TXNL4B: variants seen among roughly 807,000 people sequenced by gnomAD.
The protein encoded by TXNL4B is thioredoxin-like protein 4B.
Under a neutral mutation model 13.0 loss-of-function variants are expected in TXNL4B, and 12 were observed. The ratio of observed to expected loss-of-function variants is 0.92; its 90% CI spans 0.59 to 1.49. TXNL4B has a LOEUF of 1.49. Among genes scored for constraint, TXNL4B ranks in the 40% most tolerant of loss-of-function variants. The pLI, the probability that TXNL4B is intolerant of heterozygous loss-of-function variation, is 0.00. For synonymous variants in TXNL4B, 59 were observed against 58.9 expected, an observed-to-expected ratio of 1.00 and a Z score of -0.01; for missense variants, 214 against 173.6, an observed-to-expected ratio of 1.23 and a Z score of -1.31.
chr16:72,086,852 C>T, intron 3 of TXNL4B, 50 bp from the exon 4 acceptor site: 1 of 1,399,050 alleles, frequency 7.1e-7, no homozygotes, highest in Non-Finnish European at 9.7e-7. Context: ...TGAGTAATCA[C>T]TTGTTGAAGA....
Position 72,089,105 on chromosome 16 carries a change from C to A in TXNL4B, c.166G>T (p.Ala56Ser). ...SKTSSDLSKM[A>S]AIYLVDVDQT... ...TCCACATCTACCAGGTATATAGCAGCCATTTTACTTAAGTCAGAAGAGGTC... is the reference window on the plus strand; with the variant it reads ...TCCACATCTACCAGGTATATAGCAGACATTTTACTTAAGTCAGAAGAGGTC... The change falls in exon 3 of 4, where the codon GCT (alanine) becomes TCT (serine). Residue 56 changes from alanine to serine, a missense_variant. Ala to Ser is a moderately conservative substitution (Grantham distance 99). Coordinates refer to ENST00000268483, the MANE Select transcript of TXNL4B (RefSeq NM_017853.3). The A allele has an allele frequency of 3.1e-6, 5 of 1,612,478 alleles. No homozygotes were observed. Among genetic ancestry groups the A allele is most frequent in the Non-Finnish European group, 4.2e-6 (5 of 1,178,796 alleles).
In TXNL4B at chr16:72,085,141, G is replaced by GGATACAA. The variant is rs1180322740; in HGVS notation, c.*1489_*1495dup. 2 of 397,280 alleles carry GGATACAA rather than the reference G, an allele frequency of 5.0e-6. No individual in the cohort carries two copies. Among genetic ancestry groups the GGATACAA allele is most frequent in the Non-Finnish European group, 8.9e-6 (2 of 225,832 alleles). The allele number at this position is 397,280 out of a possible 1,614,324, so 24.6% of individuals were successfully genotyped here. A position where few individuals can be genotyped will look rare whatever the true frequency, so the allele number is the denominator to read the frequency against. ...AGTGACTCCCTCCTCTTATCAGCAG[G>GGATACAA]GATACAAGCAGTGCCTGGCAGCCTT... On this transcript the variant is annotated 3_prime_UTR_variant, in exon 4 of 4. Transcript: ENST00000268483.
Position 72,085,000 on chromosome 16 carries a change from G to A in TXNL4B, c.*1637C>T, listed in dbSNP as rs2041802570. On this transcript the variant is annotated 3_prime_UTR_variant, in exon 4 of 4. Coordinates refer to ENST00000268483, the MANE Select transcript of TXNL4B (RefSeq NM_017853.3). ...GTTTTACGTGATGCTGGGCACCTCG[G>A]GGACCTAAGATGGCTGTTGTAGCTC... The A allele has an allele frequency of 2.5e-6, 1 of 398,456 alleles. No individual in the cohort carries two copies. Among genetic ancestry groups the A allele is most frequent in the Non-Finnish European group, 4.4e-6 (1 of 226,086 alleles). The allele number at this position is 398,456 out of a possible 1,614,324, so 24.7% of individuals were successfully genotyped here.
intron 1 of TXNL4B, among the ~76,000 whole-genome samples, chr16:72,092,820 G>A (rs927422403): frequency 6.6e-6 from 1 of 152,172 alleles, no homozygotes; most frequent in Non-Finnish European, 1.5e-5. Context: ...AAAAAGTTAA[G>A]CTTTACCAGT....
chr16:72,086,763 G>C lies in TXNL4B; in HGVS notation c.324C>G (p.Thr108=). ...DHTKFVGSFK[T]KQDFIDLIEV... is the part of the protein sequence containing the mutation. ...CAATCAAATCTATGAAGTCTTGTTT[G>C]GTTTTGAAGCTTCCCACAAACTTAG... Residue 108 remains threonine (T), a synonymous_variant, in exon 4 of 4, where the codon ACC becomes ACG. Transcript: ENST00000268483. The C allele has an allele frequency of 1.2e-6, 2 of 1,612,940 alleles. No homozygotes were observed. The highest frequency in any genetic ancestry group is 4.5e-5 in the East Asian group (2 of 44,864).
Position 72,085,599 on chromosome 16 carries a change from C to T in TXNL4B, c.*1038G>A, listed in dbSNP as rs2041811060. 6.6e-6 allele frequency: 1 copy of T among 152,160 alleles called. No homozygotes were observed. The highest frequency in any genetic ancestry group is 2.4e-5 in the African/African-American group (1 of 41,436). 9.4% of individuals were successfully genotyped at this position (152,160 alleles called of 1,614,324 possible). A position where few individuals can be genotyped will look rare whatever the true frequency, so the allele number is the denominator to read the frequency against. Reference sequence around the variant, plus strand: ...CTGCCTCAGGAAGAGGCAGCAGCTTCTGGGAAAAATCTGCTCCTGCTAAGG... The same window carrying T: ...CTGCCTCAGGAAGAGGCAGCAGCTTTTGGGAAAAATCTGCTCCTGCTAAGG... On this transcript the variant is annotated 3_prime_UTR_variant, in exon 4 of 4. Transcript: ENST00000268483.
In TXNL4B at chr16:72,089,899, C is replaced by T. The variant is rs574348327; in HGVS notation, c.132+719G>A. Among the ~76,000 whole-genome samples the T allele has an allele frequency of 2.0e-5, 3 of 152,338 alleles. No individual in the cohort carries two copies. The East Asian group carries it at 5.8e-4, about 29-fold the overall frequency. ...GTAAAGTAATTTGCCCCAGGTCACACAGCTCCTGAGCAGTAGGGCTGGGGT... is the reference window on the plus strand; with the variant it reads ...GTAAAGTAATTTGCCCCAGGTCACATAGCTCCTGAGCAGTAGGGCTGGGGT... On this transcript the variant is annotated intron_variant, in intron 2 of 3. Transcript: ENST00000268483.
chr16:72,090,725 T>G lies in TXNL4B; in HGVS notation c.25A>C (p.Thr9Pro), dbSNP rs1382592537. 1.2e-6 allele frequency: 2 copies of G among 1,614,190 alleles called. No homozygotes were observed. Among genetic ancestry groups the G allele is most frequent in the Non-Finnish European group, 1.7e-6 (2 of 1,180,028 alleles). Residue 9 changes from threonine (T) to proline (P), a missense_variant, in exon 2 of 4, where the codon ACT becomes CCT. Thr to Pro is a conservative substitution (Grantham distance 38). Coordinates refer to ENST00000268483, the MANE Select transcript of TXNL4B (RefSeq NM_017853.3). ...GCCTGGTCTACTTCCTTTTTGCTAG[T>G]CAGCTTGGGCAGTAGGAAGCTCATC... MSFLLPKL[T>P]SKKEVDQAIK...
intron 2 of TXNL4B, 30 bp from the exon 3 acceptor site, chr16:72,089,168 A>G (rs1467708801): frequency 6.3e-7 from 1 of 1,579,000 alleles, no homozygotes; most frequent in Non-Finnish European, 8.7e-7. Context: ...CAAAGGTTAC[A>G]ATATGAGAGG....
intron 2 of TXNL4B, among the ~76,000 whole-genome samples, chr16:72,089,780 C>G (rs945975273): frequency 2.6e-5 from 4 of 152,220 alleles, no homozygotes; most frequent in African/African-American, 4.8e-5. Context: ...AAGTGCTTAA[C>G]ATTTGTTAAC....
At chr16:72,091,405 C>T (rs554288278) in intron 1 of TXNL4B, among the ~76,000 whole-genome samples, 74 of 152,308 alleles carry the variant, frequency 4.9e-4, no homozygotes, top group African/African-American at 1.8e-3. Context: ...CAACCACCGG[C>T]TGACTCCAAC....
At position 72,085,456 on chromosome 16, in the gene TXNL4B, C is replaced by A. The variant is rs74029826; in HGVS notation, c.*1181G>T. On this transcript the variant is annotated 3_prime_UTR_variant, in exon 4 of 4. Coordinates refer to ENST00000268483, the MANE Select transcript of TXNL4B (RefSeq NM_017853.3). Reference sequence around the variant, plus strand: ...CTTGCCCACGGTTGCGCCAGGCACCCCTAGAAGAGCAAGAATTCCTTACAA... The same window carrying A: ...CTTGCCCACGGTTGCGCCAGGCACCACTAGAAGAGCAAGAATTCCTTACAA... 4.4e-3 allele frequency: 697 copies of A among 158,458 alleles called. 4 individuals are homozygous for A. The highest frequency in any genetic ancestry group is 0.013 in the African/African-American group (524 of 41,816). The allele number at this position is 158,458 out of a possible 1,614,324, so 9.8% of individuals were successfully genotyped here. A position where few individuals can be genotyped will look rare whatever the true frequency, so the allele number is the denominator to read the frequency against.
chr16:72,086,517 G>T lies in TXNL4B; in HGVS notation c.*120C>A. ...CAGGGGCCGGGTTTTCTACACGCAA[G>T]TCAAACCTCTTCTCCTCTGGGACAC... On this transcript the variant is annotated 3_prime_UTR_variant, in exon 4 of 4. Coordinates refer to ENST00000268483, the MANE Select transcript of TXNL4B (RefSeq NM_017853.3). 1.0e-6 allele frequency: 1 copy of T among 963,340 alleles called. No individual in the cohort carries two copies. Among genetic ancestry groups the T allele is most frequent in the Non-Finnish European group, 1.5e-6 (1 of 664,476 alleles). 59.7% of individuals were successfully genotyped at this position (963,340 alleles called of 1,614,324 possible).
At chr16:72,092,419 C>CA (rs34306814) in intron 1 of TXNL4B, among the ~76,000 whole-genome samples, 59,524 of 135,092 alleles carry the variant, frequency 0.44, 12,694 homozygotes, top group African/African-American at 0.58. Flanking sequence ...GCTCCGTCTC[C>CA]AAAAAAAAAA....
intron 3 of TXNL4B, among the ~76,000 whole-genome samples, chr16:72,088,305 T>C (rs1262626920): frequency 1.3e-5 from 2 of 152,068 alleles, no homozygotes; most frequent in Non-Finnish European, 2.9e-5. Flanking sequence ...TACTTTCAAA[T>C]AAAGACAAAA....
In TXNL4B at chr16:72,086,690, G is replaced by T. The variant is rs1421638580; in HGVS notation, c.397C>A (p.Pro133Thr). 4 of 1,613,772 alleles carry T rather than the reference G, an allele frequency of 2.5e-6. No individual in the cohort carries two copies. Among genetic ancestry groups the T allele is most frequent in the Admixed American group, 1.7e-5 (1 of 60,006 alleles). The change falls in exon 4 of 4, where the codon CCT becomes ACT. Residue 133 changes from proline to threonine, a missense_variant. Coordinates refer to ENST00000268483, the MANE Select transcript of TXNL4B (RefSeq NM_017853.3). ...AMRGKLIVQS[P>T]IDPKNIPKYD... ...TTGGGAATATTCTTGGGATCAATAG[G>T]ACTTTGGACAATAAGCTTCCCCCTC...
chr16:72,090,606 A>G lies in TXNL4B; in HGVS notation c.132+12T>C. The stretch of plus-strand genomic sequence containing the variant: ...TATTAATAAAAACCAATTATTTTAG[A>G]CATTCACTTACAATATCATCTAGCT... On this transcript the variant is annotated intron_variant, in intron 2 of 3. Coordinates refer to ENST00000268483, the MANE Select transcript of TXNL4B (RefSeq NM_017853.3). 6.2e-7 allele frequency: 1 copy of G among 1,612,790 alleles called. No homozygotes were observed. Among genetic ancestry groups the G allele is most frequent in the Non-Finnish European group, 8.5e-7 (1 of 1,179,526 alleles).
At chr16:72,090,300 G>A (rs1196515888) in intron 2 of TXNL4B, 2 of 470,606 alleles carry the variant, frequency 4.2e-6, no homozygotes, top group African/African-American at 2.0e-5. Flanking sequence ...CTGGGAAATG[G>A]GGCTACTATT....
intron 1 of TXNL4B, among the ~76,000 whole-genome samples, 182 bp from the exon 2 acceptor site, chr16:72,090,968 C>T (rs2041895894): frequency 1.3e-5 from 2 of 152,126 alleles, no homozygotes; most frequent in Non-Finnish European, 2.9e-5. Flanking sequence ...TTCATTGTTC[C>T]CTCCCCCGGG....
Sources: allele counts gnomAD v4.1 joint callset (sites outside exome capture counted in the v4.1 genomes callset), GRCh38; gene constraint gnomAD v4.1.1; transcripts MANE v1.5; gene names NCBI Gene and HGNC (gene_info 2026-07-23, HGNC 2026-07-21).